STXBP5L: variants seen among roughly 807,000 people sequenced by gnomAD.
STXBP5L encodes syntaxin-binding protein 5-like.
In STXBP5L, 65 loss-of-function variants were observed where a neutral mutation model predicts 144.5. The observed-to-expected ratio is 0.45, with a 90% CI of 0.37 to 0.55. The LOEUF is 0.55. Among genes scored for constraint, STXBP5L ranks in the 20% least tolerant of loss-of-function variants. The probability of loss-of-function intolerance (pLI) is 0.00; values close to 1 mark genes in which losing one functional copy is unlikely to be tolerated. For synonymous variants in STXBP5L, 505 were observed against 469.6 expected (o/e 1.08, Z -0.97); for missense variants, 1,298 against 1,405.5 (o/e 0.92, Z 1.22).
chr3:121,310,415 C>A (rs1258387565), intron 19 of STXBP5L, among the ~76,000 whole-genome samples: 2 of 152,064 alleles, frequency 1.3e-5, no homozygotes, highest in Non-Finnish European at 1.5e-5. Flanking sequence ...TTGAGACTAT[C>A]CTGGCTAACA....
intron 22 of STXBP5L, among the ~76,000 whole-genome samples, chr3:121,382,032 C>G (rs1309432644): frequency 1.3e-5 from 2 of 152,046 alleles, no homozygotes; most frequent in Admixed American, 6.6e-5. Context: ...ATGCTAGTGC[C>G]TAGAGAATTT....
intron 23 of STXBP5L, among the ~76,000 whole-genome samples, chr3:121,408,593 T>C (rs1468801411): frequency 6.6e-6 from 1 of 151,960 alleles, no homozygotes; most frequent in Non-Finnish European, 1.5e-5. Context: ...TGAAGAGTTG[T>C]TGGGAGGACA....
At chr3:121,048,271 C>A (rs1338170877) in intron 5 of STXBP5L, among the ~76,000 whole-genome samples, 1 of 151,984 alleles carries the variant, frequency 6.6e-6, no homozygotes, top group Non-Finnish European at 1.5e-5. Context: ...TCTCCAGTTG[C>A]CTTTCACTTT....
chr3:121,361,621 A>AT (rs1347590844), intron 20 of STXBP5L, among the ~76,000 whole-genome samples: 4 of 151,138 alleles, frequency 2.6e-5, no homozygotes, highest in Non-Finnish European at 5.9e-5. Context: ...TCAGCTCCAG[A>AT]TTTTCTGCTT....
intron 9 of STXBP5L, among the ~76,000 whole-genome samples, chr3:121,167,019 C>G (rs146702610): frequency 6.6e-6 from 1 of 151,910 alleles, no homozygotes; most frequent in Non-Finnish European, 1.5e-5. Context: ...TAAAAATATG[C>G]CAGACTAGAA....
At chr3:121,093,388 A>T (rs1242646605) in intron 5 of STXBP5L, among the ~76,000 whole-genome samples, 2 of 152,150 alleles carry the variant, frequency 1.3e-5, no homozygotes, top group Non-Finnish European at 2.9e-5. Context: ...TTCGGCTGTG[A>T]ATCCATCTGG....
intron 7 of STXBP5L, among the ~76,000 whole-genome samples, chr3:121,128,318 A>T (rs1026524889): frequency 6.6e-6 from 1 of 152,022 alleles, no homozygotes; most frequent in Non-Finnish European, 1.5e-5. Context: ...TAAAGTAGAG[A>T]TGTCAGAGTC....
At chr3:120,972,683 A>G (rs556124168) in intron 3 of STXBP5L, among the ~76,000 whole-genome samples, 52 of 152,108 alleles carry the variant, frequency 3.4e-4, no homozygotes, top group African/African-American at 1.2e-3. Flanking sequence ...TACCTCATTG[A>G]GTATGATGTT....
chr3:121,218,196 TA>T (rs1441501421), intron 10 of STXBP5L, among the ~76,000 whole-genome samples: 1 of 142,396 alleles, frequency 7.0e-6, no homozygotes, highest in Admixed American at 7.4e-5. Context: ...ATATAGTATA[TA>T]TATTACTATA....
At chr3:121,154,171 A>G (rs915075257) in intron 8 of STXBP5L, among the ~76,000 whole-genome samples, 2 of 151,828 alleles carry the variant, frequency 1.3e-5, no homozygotes, top group African/African-American at 2.4e-5. Context: ...TGTAATTTAT[A>G]CCTAGAAGTT....
chr3:121,167,144 CAAA>C (rs2108042555), intron 9 of STXBP5L, among the ~76,000 whole-genome samples: 1 of 152,146 alleles, frequency 6.6e-6, no homozygotes, highest in Non-Finnish European at 1.5e-5. Flanking sequence ...CCTCCAGAAA[CAAA>C]AGAAAATTAC....
intron 10 of STXBP5L, among the ~76,000 whole-genome samples, chr3:121,222,712 T>C (rs923939492): frequency 1.3e-5 from 2 of 152,196 alleles, no homozygotes; most frequent in African/African-American, 4.8e-5. Flanking sequence ...GATGTCCTTT[T>C]GAGAGTCAGT....
In STXBP5L at chr3:121,359,220, T is replaced by C. The variant is rs561460927; in HGVS notation, c.2177-19496T>C. Among the ~76,000 whole-genome samples, 422 of 152,332 alleles carry C rather than the reference T, an allele frequency of 2.8e-3. 5 individuals carry two copies. Among genetic ancestry groups the C allele is most frequent in the African/African-American group, 9.7e-3 (405 of 41,576 alleles). ...CTGATGATCATTGATGTTGAGCACC[T>C]TTTCATAAGCCTGTTTTCCATTTGT... On this transcript the variant is annotated intron_variant, in intron 20 of 26. Coordinates refer to ENST00000471454, the MANE Select transcript of STXBP5L (RefSeq NM_001308330.2).
At chr3:121,114,052 G>C (rs928894732) in intron 5 of STXBP5L, among the ~76,000 whole-genome samples, 1 of 151,994 alleles carries the variant, frequency 6.6e-6, no homozygotes, top group Non-Finnish European at 1.5e-5. Flanking sequence ...AAATTTATTG[G>C]TCTGTCTGAC....
At chr3:121,371,522 C>G (rs965467257) in intron 20 of STXBP5L, among the ~76,000 whole-genome samples, 2 of 152,228 alleles carry the variant, frequency 1.3e-5, no homozygotes, top group Non-Finnish European at 2.9e-5. Flanking sequence ...AGCAGTGCAG[C>G]AGTGTAGACT....
chr3:121,311,599 C>A (rs2043531445), intron 19 of STXBP5L, among the ~76,000 whole-genome samples: 1 of 152,094 alleles, frequency 6.6e-6, no homozygotes, highest in Non-Finnish European at 1.5e-5. Flanking sequence ...ACAATTGCTT[C>A]AAAGAGAATA....
chr3:121,267,727 C>T (rs2050614506), intron 18 of STXBP5L, among the ~76,000 whole-genome samples: 2 of 151,842 alleles, frequency 1.3e-5, no homozygotes, highest in Admixed American at 6.6e-5. Flanking sequence ...AAAAACAACC[C>T]CATCAAAAAG....
chr3:121,340,752 C>T (rs962584596), intron 20 of STXBP5L, among the ~76,000 whole-genome samples: 1 of 151,986 alleles, frequency 6.6e-6, no homozygotes, highest in Non-Finnish European at 1.5e-5. Flanking sequence ...ATTGCTCATA[C>T]ATTAAGTAGA....
intron 19 of STXBP5L, among the ~76,000 whole-genome samples, chr3:121,316,344 A>G (rs1052965546): frequency 2.0e-5 from 3 of 152,236 alleles, no homozygotes; most frequent in Non-Finnish European, 4.4e-5. Context: ...AATAGACAGT[A>G]CAGAAATAGA....
Sources: allele counts gnomAD v4.1 joint callset (sites outside exome capture counted in the v4.1 genomes callset), GRCh38; gene constraint gnomAD v4.1.1; transcripts MANE v1.5; gene names NCBI Gene and HGNC (gene_info 2026-07-23, HGNC 2026-07-21).